KCNH5: variants seen among roughly 807,000 people sequenced by gnomAD.
KCNH5 encodes voltage-gated delayed rectifier potassium channel KCNH5.
Under a neutral mutation model 96.1 loss-of-function variants are expected in KCNH5, and 46 were observed. That is an observed-to-expected ratio of 0.48 (90% CI 0.38 to 0.61). The LOEUF (loss-of-function observed/expected upper bound fraction) is 0.61. Ranked by LOEUF, KCNH5 falls within the 20% of genes least tolerant of loss-of-function variation. KCNH5 has a pLI of 0.00. For synonymous variants in KCNH5, 439 were observed against 449.8 expected (o/e 0.98, Z 0.30); for missense variants, 907 against 1,225.8 (o/e 0.74, Z 3.88).
intron 3 of KCNH5, 62 bp downstream of exon 3, chr14:63,006,304 G>T: frequency 1.9e-6 from 2 of 1,060,496 alleles, no homozygotes; most frequent in South Asian, 1.4e-5. Context: ...GCTCCACTAC[G>T]ACTTACCAAA....
At chr14:63,000,886 G>A (rs1408649274) in intron 4 of KCNH5, among the ~76,000 whole-genome samples, 2 of 152,142 alleles carry the variant, frequency 1.3e-5, no homozygotes, top group African/African-American at 4.8e-5. Context: ...ACCAGCCTGG[G>A]CAACATGGCG....
chr14:62,794,341 C>T (rs1200199985), intron 9 of KCNH5, among the ~76,000 whole-genome samples: 1 of 151,378 alleles, frequency 6.6e-6, no homozygotes, highest in African/African-American at 2.4e-5. Context: ...AACAGTTGTA[C>T]TATAATTTCA....
In KCNH5 at chr14:62,953,539, G is replaced by A. The variant is rs117080707; in HGVS notation, c.943-2980C>T. ...CCAAAAATAGGTCCTAAAGGGAACC[G>A]TTTGCTTCTCCCAAATCAGTTATCT... On this transcript the variant is annotated intron_variant, in intron 6 of 10. Coordinates refer to ENST00000322893, the MANE Select transcript of KCNH5 (RefSeq NM_139318.5). 3.0e-3 allele frequency among the ~76,000 whole-genome samples: 451 copies of A among 152,238 alleles called. 1 individual carries two copies. The Middle Eastern group carries it at 0.044, about 15-fold the overall frequency.
chr14:62,819,662 G>C (rs919078991), intron 8 of KCNH5, among the ~76,000 whole-genome samples: 14 of 152,162 alleles, frequency 9.2e-5, no homozygotes, highest in Non-Finnish European at 1.8e-4. Flanking sequence ...TCAGGGAAAA[G>C]AGAAGTAATT....
chr14:63,006,527 G>A, intron 2 of KCNH5, 55 bp from the exon 3 acceptor site: 2 of 1,001,822 alleles, frequency 2.0e-6, no homozygotes, highest in Admixed American at 3.6e-5. Context: ...CCTTTCAAAT[G>A]CTACAAAAAT....
chr14:63,030,177 T>A (rs115998324), intron 1 of KCNH5, among the ~76,000 whole-genome samples: 1,755 of 152,296 alleles, frequency 0.012, 26 homozygotes, highest in African/African-American at 0.03. Flanking sequence ...AAAATTGAAC[T>A]TTCCTTGAGA....
intron 8 of KCNH5, among the ~76,000 whole-genome samples, chr14:62,815,624 G>A (rs1296168480): frequency 6.6e-6 from 1 of 151,726 alleles, no homozygotes; most frequent in Non-Finnish European, 1.5e-5. Flanking sequence ...TGCAATTTTT[G>A]TTTGTAAATT....
At chr14:62,719,662 GT>G (rs1884763803) in intron 10 of KCNH5, among the ~76,000 whole-genome samples, 1 of 152,228 alleles carries the variant, frequency 6.6e-6, no homozygotes, top group Admixed American at 6.5e-5. Context: ...TACTTGAACA[GT>G]TTGAAGACTC....
intron 6 of KCNH5, among the ~76,000 whole-genome samples, chr14:62,963,883 A>T (rs1187100082): frequency 6.6e-6 from 1 of 152,134 alleles, no homozygotes; most frequent in East Asian, 1.9e-4. Context: ...TCAACTAAAG[A>T]TCTACAAACC....
chr14:62,771,238 A>T (rs1595615015), intron 10 of KCNH5, among the ~76,000 whole-genome samples: 1 of 152,214 alleles, frequency 6.6e-6, no homozygotes, highest in Non-Finnish European at 1.5e-5. Flanking sequence ...TTGTGATAGT[A>T]AGCCAAGCAG....
chr14:62,899,119 A>G (rs1178387014), intron 7 of KCNH5, among the ~76,000 whole-genome samples: 1 of 152,174 alleles, frequency 6.6e-6, no homozygotes. Context: ...ACCCACAAAA[A>G]TTTCATTATT....
intron 6 of KCNH5, among the ~76,000 whole-genome samples, chr14:62,979,900 T>C (rs79024383): frequency 0.077 from 11,766 of 152,238 alleles, 526 homozygotes; most frequent in Non-Finnish European, 0.092. Context: ...AGTCATCTGA[T>C]ATGGTTTGGC....
At chr14:63,012,259 C>A (rs1445062785) in intron 2 of KCNH5, among the ~76,000 whole-genome samples, 1 of 152,088 alleles carries the variant, frequency 6.6e-6, no homozygotes, top group Non-Finnish European at 1.5e-5. Context: ...CAAAACAGTG[C>A]AAAGGCGTGG....
intron 7 of KCNH5, among the ~76,000 whole-genome samples, chr14:62,946,739 T>TA (rs201699782): frequency 0.019 from 2,957 of 152,148 alleles, 58 homozygotes; most frequent in East Asian, 0.082. Context: ...TACTCAGCAA[T>TA]AAAAAAGAAC....
At chr14:62,895,133 G>A (rs1300351530) in intron 7 of KCNH5, among the ~76,000 whole-genome samples, 1 of 152,116 alleles carries the variant, frequency 6.6e-6, no homozygotes, top group Non-Finnish European at 1.5e-5. Context: ...CTTTGCATAT[G>A]TGAGATGGCA....
intron 7 of KCNH5, among the ~76,000 whole-genome samples, chr14:62,912,324 T>TA (rs1889184127): frequency 6.6e-6 from 1 of 152,188 alleles, no homozygotes; most frequent in Non-Finnish European, 1.5e-5. Flanking sequence ...TTTTAGTACT[T>TA]ATACTGTTTG....
intron 9 of KCNH5, among the ~76,000 whole-genome samples, chr14:62,781,181 C>T (rs190046390): frequency 6.6e-6 from 1 of 152,112 alleles, no homozygotes; most frequent in East Asian, 1.9e-4. Flanking sequence ...TCCATGATGC[C>T]CACAAGCCAC....
At chr14:62,838,842 A>T (rs191583434) in intron 8 of KCNH5, among the ~76,000 whole-genome samples, 1 of 152,332 alleles carries the variant, frequency 6.6e-6, no homozygotes, top group East Asian at 1.9e-4. Flanking sequence ...AACATTAAAC[A>T]TGCTAAGATT....
rs529330220 is a variant in KCNH5 at position 62,743,169 on chromosome 14, G to A, written c.2020-34714C>T. Among the ~76,000 whole-genome samples, 109 of 152,292 alleles carry A rather than the reference G, an allele frequency of 7.2e-4. 1 individual carries two copies. The highest frequency in any genetic ancestry group is 2.5e-3 in the African/African-American group (105 of 41,564). ...GATATTAAAGATACATGTATAAAGCGATGGTTTTCCGCTAAGACTCTAGTT... is the reference window on the plus strand; with the variant it reads ...GATATTAAAGATACATGTATAAAGCAATGGTTTTCCGCTAAGACTCTAGTT... On this transcript the variant is annotated intron_variant, in intron 10 of 10. Transcript: ENST00000322893.
Sources: allele counts gnomAD v4.1 joint callset (sites outside exome capture counted in the v4.1 genomes callset), GRCh38; gene constraint gnomAD v4.1.1; transcripts MANE v1.5; gene names NCBI Gene and HGNC (gene_info 2026-07-23, HGNC 2026-07-21).